FBXO11: variants seen among roughly 807,000 people sequenced by gnomAD.
FBXO11 encodes the protein F-box protein 11.
A neutral mutation model predicts 117.0 loss-of-function variants in FBXO11; 13 were observed. That is an observed-to-expected ratio of 0.11 (90% CI 0.07 to 0.18). FBXO11 has a LOEUF of 0.18. Among genes scored for constraint, FBXO11 ranks in the 10% least tolerant of loss-of-function variants. FBXO11 has a pLI of 1.00. For missense variants in FBXO11, 767 were observed against 1,164.4 expected (o/e 0.66, Z 4.97); for synonymous variants, 490 against 380.5 (o/e 1.29, Z -3.35).
intron 1 of FBXO11, among the ~76,000 whole-genome samples, chr2:47,840,436 C>T (rs1347111774): frequency 6.7e-6 from 1 of 148,854 alleles, no homozygotes; most frequent in Admixed American, 6.7e-5. Flanking sequence ...AGAGGGTAGT[C>T]TGGTGTATGA....
At chr2:47,901,086 CAT>C (rs565507314) in intron 1 of FBXO11, among the ~76,000 whole-genome samples, 5,747 of 103,800 alleles carry the variant, frequency 0.055, 288 homozygotes, top group Non-Finnish European at 0.089. Context: ...CACGTGTGTA[CAT>C]ATATATACAT....
At chr2:47,810,493 AT>A in intron 18 of FBXO11, 67 bp from the exon 19 acceptor site, 1 of 984,702 alleles carries the variant, frequency 1.0e-6, no homozygotes, top group Non-Finnish European at 1.5e-6. Context: ...TTTTGGTGGT[AT>A]TTAGGTTTGC....
chr2:47,873,096 T>G (rs372828403), intron 1 of FBXO11, among the ~76,000 whole-genome samples: 9 of 152,186 alleles, frequency 5.9e-5, no homozygotes, highest in Non-Finnish European at 1.2e-4. Flanking sequence ...GGTAAGTCTA[T>G]GGATTTATTT....
At chr2:47,829,308 T>C (rs1355847426) in intron 11 of FBXO11, among the ~76,000 whole-genome samples, 1 of 152,148 alleles carries the variant, frequency 6.6e-6, no homozygotes, top group Non-Finnish European at 1.5e-5. Flanking sequence ...TGGCGCGATC[T>C]CGGCTCACTG....
intron 1 of FBXO11, among the ~76,000 whole-genome samples, chr2:47,866,723 C>T (rs1675227465): frequency 3.3e-5 from 5 of 152,128 alleles, no homozygotes; most frequent in East Asian, 1.9e-4. Flanking sequence ...CTGCCCACCT[C>T]GGCCTCCCAA....
At chr2:47,827,232 T>TA (rs551480292) in intron 11 of FBXO11, among the ~76,000 whole-genome samples, 17 of 152,390 alleles carry the variant, frequency 1.1e-4, no homozygotes, top group African/African-American at 3.8e-4. Context: ...TTGATTGACT[T>TA]ATAGTTTTAT....
At chr2:47,859,446 G>T (rs996198747) in intron 1 of FBXO11, among the ~76,000 whole-genome samples, 2 of 152,148 alleles carry the variant, frequency 1.3e-5, no homozygotes, top group African/African-American at 4.8e-5. Flanking sequence ...TAATTTCACC[G>T]ATTGGTGCTG....
At chr2:47,904,734 G>A (rs1377312764) in intron 1 of FBXO11, among the ~76,000 whole-genome samples, 4 of 152,104 alleles carry the variant, frequency 2.6e-5, no homozygotes, top group African/African-American at 9.7e-5. Context: ...AGGGGGTGTC[G>A]ATAGAGCGGA....
intron 1 of FBXO11, among the ~76,000 whole-genome samples, chr2:47,848,937 T>C (rs1457181523): frequency 6.6e-6 from 1 of 152,096 alleles, no homozygotes; most frequent in East Asian, 1.9e-4. Context: ...AAGTTAAGAG[T>C]AGTTTATGGA....
intron 1 of FBXO11, among the ~76,000 whole-genome samples, chr2:47,852,941 C>A (rs552311681): frequency 1.4e-4 from 22 of 152,222 alleles, no homozygotes; most frequent in African/African-American, 4.6e-4. Flanking sequence ...AGCTCCAGAG[C>A]CCCCTACTCT....
At chr2:47,814,553 A>AT (rs1670878448) in intron 16 of FBXO11, among the ~76,000 whole-genome samples, 1 of 151,814 alleles carries the variant, frequency 6.6e-6, no homozygotes, top group South Asian at 2.1e-4. Context: ...TAATTTTTGT[A>AT]TTTTTTGTAG....
At chr2:47,819,936 A>C (rs936925670) in intron 14 of FBXO11, among the ~76,000 whole-genome samples, 1 of 152,250 alleles carries the variant, frequency 6.6e-6, no homozygotes, top group Non-Finnish European at 1.5e-5. Context: ...CACAGGTTTC[A>C]AAATTTTGAA....
intron 1 of FBXO11, among the ~76,000 whole-genome samples, chr2:47,885,831 T>C (rs1676794555): frequency 6.6e-6 from 1 of 152,192 alleles, no homozygotes; most frequent in Non-Finnish European, 1.5e-5. Context: ...TGGCCCATTC[T>C]CTCTCACTAA....
At chr2:47,857,485 A>G (rs920341426) in intron 1 of FBXO11, among the ~76,000 whole-genome samples, 116 of 152,176 alleles carry the variant, frequency 7.6e-4, no homozygotes, top group African/African-American at 2.8e-3. Flanking sequence ...AGATCATGTG[A>G]GACAAGTAAA....
Position 47,832,842 on chromosome 2 carries a change from T to G in FBXO11, c.1080A>C (p.Ala360=), listed in dbSNP as rs1419747398. ...PDDKSAQHHN[A]HHCLEITVNC... ...TTACTGTAATCTCTAAGCAGTGGTG[T>G]GCATTGTGGTGTTGTGCAGATTTGT... The change falls in exon 9 of 23, where the codon GCA becomes GCC. Residue 360 remains alanine, a synonymous_variant. Transcript: ENST00000403359. 6.2e-7 allele frequency: 1 copy of G among 1,614,094 alleles called. No homozygotes were observed. Among genetic ancestry groups the G allele is most frequent in the South Asian group, 1.1e-5 (1 of 91,086 alleles).
chr2:47,838,811 G>T (rs895424740), intron 4 of FBXO11, 48 bp downstream of exon 4: 1 of 1,554,644 alleles, frequency 6.4e-7, no homozygotes, highest in South Asian at 1.2e-5. Flanking sequence ...AGCATTTTGG[G>T]CAACAAATAA....
chr2:47,808,058 C>CA lies in FBXO11; in HGVS notation c.*59dup, dbSNP rs1572753529. The CA allele has an allele frequency of 6.2e-6, 9 of 1,448,568 alleles. No individual in the cohort carries two copies. In the East Asian group the frequency reaches 2.0e-4, roughly 33 times the overall value. 89.7% of individuals were successfully genotyped at this position (1,448,568 alleles called of 1,614,324 possible). ...TGGGCAAATATTTTAAATCTTCTTC[C>CA]AAAAAAGTGTTTTAAGTTATGATGT... On this transcript the variant is annotated 3_prime_UTR_variant, in exon 23 of 23. Coordinates refer to ENST00000403359, the MANE Select transcript of FBXO11 (RefSeq NM_001190274.2).
intron 21 of FBXO11, 43 bp from the exon 22 acceptor site, chr2:47,808,470 T>TA: frequency 4.0e-6 from 6 of 1,497,036 alleles, no homozygotes; most frequent in Non-Finnish European, 5.4e-6. Flanking sequence ...AACATGTCAT[T>TA]AATGCAAAAC....
At chr2:47,838,827 C>G in intron 4 of FBXO11, 32 bp downstream of exon 4, 1 of 1,592,228 alleles carries the variant, frequency 6.3e-7, no homozygotes, top group Non-Finnish European at 8.6e-7. Context: ...AATAACATAT[C>G]TCAAGTTAAT....
Sources: allele counts gnomAD v4.1 joint callset (sites outside exome capture counted in the v4.1 genomes callset), GRCh38; gene constraint gnomAD v4.1.1; transcripts MANE v1.5; gene names NCBI Gene and HGNC (gene_info 2026-07-23, HGNC 2026-07-21).